The following DOCK1 variants were observed in gnomAD, a reference collection of about 807,000 sequenced individuals.
The protein encoded by DOCK1 is dedicator of cytokinesis protein 1.
DOCK1 carries 138 observed loss-of-function variants against 262.7 expected under a neutral mutation model. That is an observed-to-expected ratio of 0.53 (90% confidence interval 0.46 to 0.61). The LOEUF (loss-of-function observed/expected upper bound fraction) is 0.61. DOCK1 is among the 20% of genes least tolerant of loss of function. The probability of loss-of-function intolerance (pLI) is 0.00; values close to 1 mark genes in which losing one functional copy is unlikely to be tolerated. For synonymous variants in DOCK1, 866 were observed against 867.4 expected (o/e 1.00, Z 0.03); for missense variants, 1,908 against 2,370.7 (o/e 0.80, Z 4.05).
intron 29 of DOCK1, among the ~76,000 whole-genome samples, chr10:127,259,007 C>T (rs1376374560): frequency 6.6e-6 from 1 of 152,054 alleles, no homozygotes; most frequent in Non-Finnish European, 1.5e-5. Flanking sequence ...ACCGTGGCTG[C>T]GGGAGTCCTA....
At position 126,996,776 on chromosome 10, in the gene DOCK1, G is replaced by A. The variant is rs756789676; in HGVS notation, c.502G>A (p.Asp168Asn). 6.2e-7 allele frequency: 1 copy of A among 1,612,352 alleles called. No homozygotes were observed. The highest frequency in any genetic ancestry group is 1.1e-5 in the South Asian group (1 of 90,756). ...TCTAGATTTGGACCTGGTGGTTAGA[G>A]ATGAAGATGGGAATATTTTGGATCC... ...RILDLDLVVR[D>N]EDGNILDPEL... The change falls in exon 7 of 52, where the codon GAT (aspartate) becomes AAT (asparagine). Residue 168 changes from aspartate to asparagine, a missense_variant. This residue lies in a region of DOCK1 where 227 missense variants were observed against 254.1 expected (regional missense o/e 0.89). Transcript: ENST00000623213.
In DOCK1 at chr10:127,155,949, T is replaced by C. The variant is rs141544780; in HGVS notation, c.2847+28185T>C. Among the ~76,000 whole-genome samples, 992 of 152,292 alleles carry C rather than the reference T, an allele frequency of 6.5e-3. 6 individuals carry two copies. Among genetic ancestry groups the C allele is most frequent in the Non-Finnish European group, 0.011 (723 of 68,014 alleles). On this transcript the variant is annotated intron_variant, in intron 27 of 51. Transcript: ENST00000623213. ...GAGGTACTGCTCTACTATTGTGTTG[T>C]GCTAGTGGGTATAAGCCAGCAGTCA...
intron 14 of DOCK1, among the ~76,000 whole-genome samples, 198 bp from the exon 15 acceptor site, chr10:127,024,487 A>G (rs1320029180): frequency 1.3e-5 from 2 of 152,100 alleles, no homozygotes; most frequent in Non-Finnish European, 2.9e-5. Context: ...AAGATCTTCA[A>G]TGTGTGAGAA....
chr10:127,336,616 T>C (rs1338233237), intron 29 of DOCK1, among the ~76,000 whole-genome samples: 1 of 151,658 alleles, frequency 6.6e-6, no homozygotes, highest in Non-Finnish European at 1.5e-5. Context: ...CCTGGCTCAC[T>C]GCAAGCTCCG....
intron 1 of DOCK1, among the ~76,000 whole-genome samples, chr10:126,949,548 A>T (rs2035996058): frequency 6.6e-6 from 1 of 152,208 alleles, no homozygotes; most frequent in South Asian, 2.1e-4. Flanking sequence ...GCTTAATTTC[A>T]GAGCAGCAAG....
intron 23 of DOCK1, among the ~76,000 whole-genome samples, chr10:127,072,663 T>G (rs2046298358): frequency 6.6e-6 from 1 of 152,190 alleles, no homozygotes; most frequent in Admixed American, 6.5e-5. Flanking sequence ...CTGCCACTTT[T>G]GTCCAGAGGG....
chr10:127,445,530 A>T (rs10830066), intron 50 of DOCK1, among the ~76,000 whole-genome samples: 1 of 152,006 alleles, frequency 6.6e-6, no homozygotes, highest in African/African-American at 2.4e-5. Flanking sequence ...CTTTCTAAAA[A>T]TGTGTTTAAA....
intron 23 of DOCK1, among the ~76,000 whole-genome samples, chr10:127,086,599 T>G (rs2047213349): frequency 6.6e-6 from 1 of 152,148 alleles, no homozygotes; most frequent in Admixed American, 6.6e-5. Context: ...ATCATGAATA[T>G]GTATATAACA....
intron 23 of DOCK1, among the ~76,000 whole-genome samples, chr10:127,076,313 A>T (rs900605027): frequency 1.3e-5 from 2 of 152,208 alleles, no homozygotes; most frequent in Admixed American, 6.5e-5. Flanking sequence ...CATCCTGGCT[A>T]ACACGGTGAA....
chr10:127,305,335 G>C (rs564458045), intron 29 of DOCK1, among the ~76,000 whole-genome samples: 1 of 152,318 alleles, frequency 6.6e-6, no homozygotes, highest in African/African-American at 2.4e-5. Flanking sequence ...GGGCAGAAGA[G>C]TCCAGGTGTT....
intron 22 of DOCK1, among the ~76,000 whole-genome samples, chr10:127,055,554 G>A (rs1308301811): frequency 6.6e-6 from 1 of 152,206 alleles, no homozygotes; most frequent in Non-Finnish European, 1.5e-5. Flanking sequence ...AGTGATTTTA[G>A]TAAAGGAGTT....
At chr10:127,377,558 G>T (rs1020196878) in intron 35 of DOCK1, among the ~76,000 whole-genome samples, 9 of 152,130 alleles carry the variant, frequency 5.9e-5, no homozygotes, top group Non-Finnish European at 8.8e-5. Context: ...GTGGAACATT[G>T]TAAGTTGTGT....
intron 27 of DOCK1, among the ~76,000 whole-genome samples, chr10:127,131,104 A>G (rs1322641901): frequency 6.6e-6 from 1 of 152,156 alleles, no homozygotes; most frequent in Non-Finnish European, 1.5e-5. Context: ...AACCCTGAGG[A>G]GTTCCTCAGG....
chr10:127,067,311 T>C (rs2045935181), intron 23 of DOCK1, among the ~76,000 whole-genome samples: 1 of 152,130 alleles, frequency 6.6e-6, no homozygotes, highest in Admixed American at 6.6e-5. Flanking sequence ...CTTACAGGCA[T>C]TGACATCATT....
chr10:127,191,063 G>A (rs1400497554), intron 27 of DOCK1, among the ~76,000 whole-genome samples: 1 of 152,084 alleles, frequency 6.6e-6, no homozygotes. Context: ...TTTGCTGAAT[G>A]TCACTTCTCA....
At chr10:127,326,171 G>C (rs1346361214) in intron 29 of DOCK1, among the ~76,000 whole-genome samples, 1 of 152,180 alleles carries the variant, frequency 6.6e-6, no homozygotes, top group African/African-American at 2.4e-5. Context: ...GGCTGAGGTG[G>C]CTATGACAGT....
chr10:127,225,622 T>C (rs1000599012), intron 27 of DOCK1, among the ~76,000 whole-genome samples: 2 of 152,220 alleles, frequency 1.3e-5, no homozygotes, highest in Non-Finnish European at 2.9e-5. Context: ...TGGGGTTGCT[T>C]TGGAATAATA....
chr10:127,318,832 T>C (rs2135549344), intron 29 of DOCK1, among the ~76,000 whole-genome samples: 1 of 152,200 alleles, frequency 6.6e-6, no homozygotes, highest in South Asian at 2.1e-4. Context: ...TGTCAGAGAC[T>C]ATGAGTGTTA....
intron 1 of DOCK1, among the ~76,000 whole-genome samples, chr10:126,929,100 G>A (rs975786203): frequency 2.0e-5 from 3 of 152,200 alleles, no homozygotes; most frequent in African/African-American, 7.2e-5. Context: ...TTCCATGGAA[G>A]CTTATTTGCA....
Sources: allele counts gnomAD v4.1 joint callset (sites outside exome capture counted in the v4.1 genomes callset), GRCh38; gene constraint gnomAD v4.1.1; regional missense constraint gnomAD v4.1.1; transcripts MANE v1.5; gene names NCBI Gene and HGNC (gene_info 2026-07-23, HGNC 2026-07-21).